The following CCSER1 variants were observed in gnomAD, a reference collection of about 807,000 sequenced individuals.
CCSER1 encodes the protein coiled-coil serine rich protein 1, also known as serine-rich coiled-coil domain-containing protein 1.
Under a neutral mutation model 82.0 loss-of-function variants are expected in CCSER1, and 41 were observed. That is an observed-to-expected ratio of 0.50 (90% CI 0.39 to 0.65). CCSER1 has a LOEUF of 0.65. Ranked by LOEUF, CCSER1 falls within the 30% of genes least tolerant of loss-of-function variation. CCSER1 has a pLI of 0.00. For synonymous variants in CCSER1, 414 were observed against 383.9 expected (o/e 1.08, Z -0.92); for missense variants, 1,119 against 1,064.2 (o/e 1.05, Z -0.72).
intron 10 of CCSER1, among the ~76,000 whole-genome samples, chr4:91,525,177 A>T (rs1002432241): frequency 2.0e-5 from 3 of 152,144 alleles, no homozygotes; most frequent in Admixed American, 6.6e-5. Context: ...TAAGAAATAT[A>T]CAGGAGAGTA....
intron 10 of CCSER1, among the ~76,000 whole-genome samples, chr4:91,592,574 A>G (rs553558203): frequency 1.3e-4 from 20 of 150,860 alleles, no homozygotes; most frequent in African/African-American, 4.6e-4. Flanking sequence ...AAAAGTTACT[A>G]CTTAGCTTCT....
chr4:90,719,265 T>G (rs1363286343), intron 6 of CCSER1, among the ~76,000 whole-genome samples: 2 of 152,012 alleles, frequency 1.3e-5, no homozygotes, highest in Non-Finnish European at 2.9e-5. Context: ...GAATGCTCCT[T>G]ATGAGATTCT....
chr4:91,425,454 A>G (rs1246548586), intron 10 of CCSER1, among the ~76,000 whole-genome samples: 1 of 152,130 alleles, frequency 6.6e-6, no homozygotes, highest in Non-Finnish European at 1.5e-5. Context: ...AAGCATTGTA[A>G]TTGTAATTAT....
chr4:90,761,917 G>A (rs1366656694), intron 7 of CCSER1, among the ~76,000 whole-genome samples: 1 of 151,892 alleles, frequency 6.6e-6, no homozygotes, highest in Non-Finnish European at 1.5e-5. Flanking sequence ...TTCTTAAGGA[G>A]GCTGACAAAT....
chr4:90,877,848 A>G (rs1327116935), intron 8 of CCSER1, among the ~76,000 whole-genome samples: 1 of 152,092 alleles, frequency 6.6e-6, no homozygotes, highest in Non-Finnish European at 1.5e-5. Context: ...AGTCTCTTTC[A>G]AGTAGTCTTT....
intron 10 of CCSER1, among the ~76,000 whole-genome samples, chr4:91,468,477 A>T (rs897663982): frequency 2.0e-5 from 3 of 152,022 alleles, no homozygotes; most frequent in Non-Finnish European, 2.9e-5. Flanking sequence ...CTTTGTGCAC[A>T]TGTACCCTAG....
At chr4:90,791,239 CAT>C (rs1191725170) in intron 7 of CCSER1, among the ~76,000 whole-genome samples, 1 of 152,104 alleles carries the variant, frequency 6.6e-6, no homozygotes, top group Non-Finnish European at 1.5e-5. Flanking sequence ...TTTCCCATGA[CAT>C]GTGGGGATTA....
intron 8 of CCSER1, among the ~76,000 whole-genome samples, chr4:90,816,442 T>C (rs1286182416): frequency 3.3e-5 from 5 of 152,090 alleles, no homozygotes; most frequent in African/African-American, 1.2e-4. Flanking sequence ...AAAATACATT[T>C]GGTAGATAGC....
At position 90,248,677 on chromosome 4, in the gene CCSER1, C is replaced by T. The variant is rs72877736; in HGVS notation, c.-41-59567C>T. Among the ~76,000 whole-genome samples, 521 of 151,770 alleles carry T rather than the reference C, an allele frequency of 3.4e-3. 2 individuals are homozygous for T. The highest frequency in any genetic ancestry group is 0.012 in the African/African-American group (486 of 41,376). On this transcript the variant is annotated intron_variant, in intron 1 of 10. Coordinates refer to ENST00000509176, the MANE Select transcript of CCSER1 (RefSeq NM_001145065.2). ...AAATGATCAATTTTCTTAGCATTGACTGATTTATGTGTAGAATTTTAGATT... is the reference window on the plus strand; with the variant it reads ...AAATGATCAATTTTCTTAGCATTGATTGATTTATGTGTAGAATTTTAGATT...
chr4:91,499,017 C>G (rs1484690497), intron 10 of CCSER1, among the ~76,000 whole-genome samples: 1 of 151,850 alleles, frequency 6.6e-6, no homozygotes, highest in African/African-American at 2.4e-5. Context: ...GCAAACAATG[C>G]CAAGATAACA....
chr4:91,044,752 C>A (rs1742293932), intron 9 of CCSER1, among the ~76,000 whole-genome samples: 1 of 152,170 alleles, frequency 6.6e-6, no homozygotes, highest in African/African-American at 2.4e-5. Flanking sequence ...CTTTACCTCA[C>A]CAGGTTAGAT....
At chr4:90,673,740 G>A (rs1009790680) in intron 6 of CCSER1, among the ~76,000 whole-genome samples, 18 of 151,954 alleles carry the variant, frequency 1.2e-4, no homozygotes, top group Admixed American at 7.9e-4. Context: ...CTAAAAGATT[G>A]CAAAAACAGC....
At chr4:90,253,651 C>G (rs1722772040) in intron 1 of CCSER1, among the ~76,000 whole-genome samples, 1 of 152,096 alleles carries the variant, frequency 6.6e-6, no homozygotes, top group Non-Finnish European at 1.5e-5. Context: ...ACTTGTTTAT[C>G]TGTTTAGTGA....
intron 3 of CCSER1, among the ~76,000 whole-genome samples, chr4:90,355,287 T>A (rs919612737): frequency 6.6e-6 from 1 of 151,238 alleles, no homozygotes; most frequent in Non-Finnish European, 1.5e-5. Flanking sequence ...TATATTATAG[T>A]AAAAGAAAGA....
At chr4:90,449,417 C>T (rs1005528390) in intron 4 of CCSER1, among the ~76,000 whole-genome samples, 2 of 152,340 alleles carry the variant, frequency 1.3e-5, no homozygotes, top group African/African-American at 2.4e-5. Context: ...CAAGCTATTC[C>T]CAGATTCAAG....
chr4:91,085,267 T>G (rs891607621), intron 9 of CCSER1, among the ~76,000 whole-genome samples: 1 of 152,146 alleles, frequency 6.6e-6, no homozygotes, highest in African/African-American at 2.4e-5. Context: ...TGAACATTTT[T>G]AAATTTGTGT....
chr4:91,123,883 C>T (rs138711460), intron 10 of CCSER1, among the ~76,000 whole-genome samples: 1 of 151,816 alleles, frequency 6.6e-6, no homozygotes, highest in African/African-American at 2.4e-5. Context: ...ATAGTGTCAT[C>T]CTAATTTAAT....
intron 9 of CCSER1, among the ~76,000 whole-genome samples, chr4:90,984,841 G>A (rs1034105322): frequency 6.6e-6 from 1 of 151,774 alleles, no homozygotes; most frequent in South Asian, 2.1e-4. Context: ...GTCAGACTTA[G>A]TATCTTAGTG....
chr4:90,128,989 A>T (rs1722361581), intron 1 of CCSER1, among the ~76,000 whole-genome samples: 1 of 152,142 alleles, frequency 6.6e-6, no homozygotes, highest in African/African-American at 2.4e-5. Flanking sequence ...TTGCCCTTTA[A>T]TGTTTTTATG....
Sources: gnomAD v4.1 joint callset for allele counts (sites outside exome capture counted in the v4.1 genomes callset) on GRCh38, gnomAD v4.1.1 for gene constraint, MANE v1.5 for transcripts, NCBI Gene and HGNC (gene_info 2026-07-23, HGNC 2026-07-21) for gene names.